The following POU6F2 variants were observed in gnomAD, a reference collection of about 807,000 sequenced individuals.
POU6F2 encodes the protein POU domain, class 6, transcription factor 2.
Under a neutral mutation model 71.3 loss-of-function variants are expected in POU6F2, and 31 were observed. The observed-to-expected ratio is 0.43, with a 90% CI of 0.33 to 0.59. POU6F2 has a LOEUF of 0.59. Among genes scored for constraint, POU6F2 ranks in the 20% least tolerant of loss-of-function variants. The pLI is 0.04. For synonymous variants in POU6F2, 347 were observed against 355.7 expected, an observed-to-expected ratio of 0.98 and a Z score of 0.27; for missense variants, 783 against 856.8, an observed-to-expected ratio of 0.91 and a Z score of 1.07.
chr7:39,140,169 A>G (rs1472307463), intron 2 of POU6F2, among the ~76,000 whole-genome samples: 1 of 152,146 alleles, frequency 6.6e-6, no homozygotes, highest in Non-Finnish European at 1.5e-5. Context: ...TCAGAGCTGT[A>G]CTCTGTGATG....
At chr7:39,022,255 A>G (rs948883329) in intron 1 of POU6F2, among the ~76,000 whole-genome samples, 4 of 151,912 alleles carry the variant, frequency 2.6e-5, no homozygotes, top group South Asian at 2.1e-4. Context: ...CATACTTGGC[A>G]TCTCTTTTTT....
intron 4 of POU6F2, among the ~76,000 whole-genome samples, chr7:39,226,106 A>G (rs765978608): frequency 3.3e-5 from 5 of 152,164 alleles, no homozygotes; most frequent in Non-Finnish European, 5.9e-5. Flanking sequence ...TGTGATTTAC[A>G]TGGTCAGTGG....
chr7:39,186,624 C>T (rs144866546), intron 2 of POU6F2, among the ~76,000 whole-genome samples: 52 of 152,266 alleles, frequency 3.4e-4, no homozygotes, highest in African/African-American at 1.2e-3. Flanking sequence ...TGATATCTTC[C>T]GCACCGGAAA....
intron 1 of POU6F2, among the ~76,000 whole-genome samples, chr7:39,019,726 A>G (rs1789637913): frequency 6.6e-6 from 1 of 151,358 alleles, no homozygotes; most frequent in South Asian, 2.1e-4. Context: ...TCAAATGTCA[A>G]CAATTACATT....
intron 5 of POU6F2, among the ~76,000 whole-genome samples, chr7:39,342,449 A>C (rs1443423245): frequency 6.6e-6 from 1 of 152,216 alleles, no homozygotes; most frequent in Non-Finnish European, 1.5e-5. Context: ...AGATCAACTA[A>C]ATTCATGTAT....
At chr7:38,988,510 T>C (rs1428769521) in intron 1 of POU6F2, among the ~76,000 whole-genome samples, 43 of 152,264 alleles carry the variant, frequency 2.8e-4, no homozygotes, top group Non-Finnish European at 1.5e-5. Flanking sequence ...TGTGTTTCAG[T>C]GGGGCTGTTG....
At chr7:39,320,279 T>G (rs1411248896) in intron 4 of POU6F2, among the ~76,000 whole-genome samples, 15 of 152,166 alleles carry the variant, frequency 9.9e-5, no homozygotes, top group Non-Finnish European at 1.5e-5. Flanking sequence ...TCCCCATCAA[T>G]GGATGCCAGG....
At chr7:39,101,564 T>C (rs1303623923) in intron 2 of POU6F2, among the ~76,000 whole-genome samples, 1 of 151,654 alleles carries the variant, frequency 6.6e-6, no homozygotes, top group African/African-American at 2.4e-5. Flanking sequence ...AATTTGCAGG[T>C]TGTGGGATTA....
intron 2 of POU6F2, among the ~76,000 whole-genome samples, chr7:39,128,769 G>A (rs1177324991): frequency 6.6e-6 from 1 of 152,212 alleles, no homozygotes; most frequent in Non-Finnish European, 1.5e-5. Context: ...CAGTCTGGCA[G>A]CCAGATAGAA....
At position 39,450,890 on chromosome 7, in the gene POU6F2, C is replaced by T. The variant is rs3778932; in HGVS notation, c.1321-643C>T. 3.9e-3 allele frequency among the ~76,000 whole-genome samples: 587 copies of T among 152,238 alleles called. 38 individuals are homozygous for T. In the East Asian group the frequency reaches 0.1, roughly 27 times the overall value. ...TAGTCAATGTCCTTAATACAGTGGC[C>T]GGCCCAGAGTAAGAAAGTAACAACT... On this transcript the variant is annotated intron_variant, in intron 7 of 9. Coordinates refer to ENST00000518318, the MANE Select transcript of POU6F2 (RefSeq NM_001370959.1).
At chr7:39,106,497 A>G (rs1346821147) in intron 2 of POU6F2, among the ~76,000 whole-genome samples, 1 of 152,184 alleles carries the variant, frequency 6.6e-6, no homozygotes, top group Non-Finnish European at 1.5e-5. Flanking sequence ...TATTGAAACT[A>G]TAGTATTGGA....
At chr7:39,322,029 A>T (rs1009494343) in intron 4 of POU6F2, among the ~76,000 whole-genome samples, 1 of 152,196 alleles carries the variant, frequency 6.6e-6, no homozygotes, top group African/African-American at 2.4e-5. Flanking sequence ...TAAAACTCAA[A>T]TTCTCATCCT....
At chr7:38,978,816 T>A (rs1035820127) in intron 1 of POU6F2, among the ~76,000 whole-genome samples, 1 of 152,332 alleles carries the variant, frequency 6.6e-6, no homozygotes, top group Admixed American at 6.5e-5. Flanking sequence ...AGCTGATTTT[T>A]AGAGCTTTCC....
intron 1 of POU6F2, among the ~76,000 whole-genome samples, chr7:39,084,861 G>A (rs372094597): frequency 6.6e-6 from 1 of 152,008 alleles, no homozygotes; most frequent in Non-Finnish European, 1.5e-5. Flanking sequence ...CCCAGATCTC[G>A]CAAAAAGGGC....
intron 4 of POU6F2, among the ~76,000 whole-genome samples, chr7:39,244,390 C>T (rs1227914274): frequency 6.6e-6 from 1 of 152,170 alleles, no homozygotes; most frequent in Non-Finnish European, 1.5e-5. Flanking sequence ...GAGTACCACT[C>T]GTTGCCCGTG....
intron 4 of POU6F2, among the ~76,000 whole-genome samples, chr7:39,272,025 A>T (rs936275064): frequency 6.6e-6 from 1 of 152,052 alleles, no homozygotes; most frequent in Non-Finnish European, 1.5e-5. Flanking sequence ...GTTAGATCAG[A>T]TTACAGAAAA....
chr7:39,458,050 G>A (rs2237369), intron 8 of POU6F2, among the ~76,000 whole-genome samples: 46,702 of 130,190 alleles, frequency 0.36, 8,121 homozygotes, highest in East Asian at 0.58. Flanking sequence ...CCACAGATAT[G>A]TTGCACATCT....
chr7:39,348,801 T>C (rs1184908994), intron 5 of POU6F2, among the ~76,000 whole-genome samples: 1 of 152,178 alleles, frequency 6.6e-6, no homozygotes, highest in Non-Finnish European at 1.5e-5. Flanking sequence ...GAAAGATAGA[T>C]GGGTAGATAG....
At chr7:39,421,947 T>A (rs1368906969) in intron 6 of POU6F2, among the ~76,000 whole-genome samples, 1 of 152,194 alleles carries the variant, frequency 6.6e-6, no homozygotes, top group Non-Finnish European at 1.5e-5. Flanking sequence ...TTTTTGCTGG[T>A]ATTAAAACTT....
Sources: allele counts gnomAD v4.1 joint callset (sites outside exome capture counted in the v4.1 genomes callset), GRCh38; gene constraint gnomAD v4.1.1; transcripts MANE v1.5; gene names NCBI Gene and HGNC (gene_info 2026-07-23, HGNC 2026-07-21).